Variants in GPC5 observed in about 807,000 individuals in gnomAD.
The protein encoded by GPC5 is glypican 5.
In GPC5, 47 loss-of-function variants were observed where a neutral mutation model predicts 53.9. That is an observed-to-expected ratio of 0.87 (90% CI 0.69 to 1.11). The LOEUF is 1.11. Among genes scored for constraint, GPC5 ranks in the 50% most tolerant of loss-of-function variants. The pLI is 0.00. For synonymous variants in GPC5, 286 were observed against 263.3 expected, an observed-to-expected ratio of 1.09 and a Z score of -0.84; for missense variants, 748 against 713.1, an observed-to-expected ratio of 1.05 and a Z score of -0.56.
intron 7 of GPC5, among the ~76,000 whole-genome samples, chr13:92,148,297 T>C (rs2041882821): frequency 6.6e-6 from 1 of 152,062 alleles, no homozygotes; most frequent in Admixed American, 6.6e-5. Context: ...GTGTCTGTTT[T>C]TGTTCATGTT....
chr13:92,246,224 A>T, intron 7 of GPC5, among the ~76,000 whole-genome samples: 1 of 152,092 alleles, frequency 6.6e-6, no homozygotes, highest in African/African-American at 2.4e-5. Context: ...TAAGCTAGAG[A>T]CCTTTGTGTT....
chr13:92,427,603 G>T (rs1876892990), intron 7 of GPC5, among the ~76,000 whole-genome samples: 1 of 151,892 alleles, frequency 6.6e-6, no homozygotes, highest in African/African-American at 2.4e-5. Flanking sequence ...TGTATTTTTA[G>T]GGCTGGTAAA....
intron 6 of GPC5, among the ~76,000 whole-genome samples, chr13:92,096,700 C>A (rs979513502): frequency 6.6e-6 from 1 of 152,190 alleles, no homozygotes; most frequent in Non-Finnish European, 1.5e-5. Flanking sequence ...TCTTCCTGCT[C>A]TCTAAGGACA....
intron 6 of GPC5, among the ~76,000 whole-genome samples, chr13:92,124,719 A>G (rs1035375228): frequency 6.6e-6 from 1 of 152,198 alleles, no homozygotes; most frequent in African/African-American, 2.4e-5. Flanking sequence ...TGCTGCATCA[A>G]CTAATATACT....
At chr13:92,131,625 T>G (rs2041744136) in intron 6 of GPC5, among the ~76,000 whole-genome samples, 1 of 152,046 alleles carries the variant, frequency 6.6e-6, no homozygotes, top group Non-Finnish European at 1.5e-5. Context: ...ATTAATAGCC[T>G]ATTAACATTA....
chr13:91,687,684 A>G (rs342675), intron 2 of GPC5, among the ~76,000 whole-genome samples: 36,542 of 151,918 alleles, frequency 0.24, 6,183 homozygotes, highest in African/African-American at 0.48. Context: ...TGATAGACTT[A>G]TTCTGATATC....
chr13:92,404,112 G>A (rs1057375903), intron 7 of GPC5, among the ~76,000 whole-genome samples: 1 of 152,138 alleles, frequency 6.6e-6, no homozygotes, highest in Non-Finnish European at 1.5e-5. Context: ...TGAAATGTGA[G>A]TGATTTCAAT....
At chr13:91,975,814 A>G (rs148897676) in intron 6 of GPC5, among the ~76,000 whole-genome samples, 6,384 of 152,296 alleles carry the variant, frequency 0.042, 170 homozygotes, top group Middle Eastern at 0.092. Context: ...ATAAAGACAC[A>G]TGCACACATA....
At chr13:91,783,688 C>T (rs779336419) in intron 5 of GPC5, among the ~76,000 whole-genome samples, 18 of 152,090 alleles carry the variant, frequency 1.2e-4, no homozygotes, top group South Asian at 2.1e-4. Flanking sequence ...GCGATCTGCC[C>T]GCCCTGGCCT....
intron 7 of GPC5, among the ~76,000 whole-genome samples, chr13:92,248,601 A>G (rs1359343541): frequency 6.6e-6 from 1 of 152,170 alleles, no homozygotes; most frequent in African/African-American, 2.4e-5. Context: ...CTCTTATAAA[A>G]ATTAAACAAC....
At chr13:91,796,103 G>A (rs763472930) in intron 5 of GPC5, among the ~76,000 whole-genome samples, 2 of 152,050 alleles carry the variant, frequency 1.3e-5, no homozygotes, top group South Asian at 2.1e-4. Context: ...TTGGCCTCAT[G>A]GATTCCAAGG....
At chr13:91,525,310 G>T (rs1482093473) in intron 2 of GPC5, among the ~76,000 whole-genome samples, 1 of 152,138 alleles carries the variant, frequency 6.6e-6, no homozygotes, top group Non-Finnish European at 1.5e-5. Flanking sequence ...ATGTTTATAT[G>T]ACAAGATCTT....
At chr13:92,177,790 A>G (rs1300185757) in intron 7 of GPC5, among the ~76,000 whole-genome samples, 1 of 152,210 alleles carries the variant, frequency 6.6e-6, no homozygotes, top group Non-Finnish European at 1.5e-5. Context: ...CTAGTGACAG[A>G]ATAGCATCCA....
At chr13:92,383,748 T>G (rs1263369142) in intron 7 of GPC5, among the ~76,000 whole-genome samples, 2 of 152,220 alleles carry the variant, frequency 1.3e-5, no homozygotes, top group Non-Finnish European at 2.9e-5. Context: ...TAATGACTCA[T>G]GTCCTAAGTA....
chr13:91,847,376 T>A (rs1265596046), intron 5 of GPC5, among the ~76,000 whole-genome samples: 3 of 152,104 alleles, frequency 2.0e-5, no homozygotes, highest in African/African-American at 7.2e-5. Flanking sequence ...TGTGTGTGTA[T>A]GTACACATAC....
chr13:92,860,702 T>C (rs553454613), intron 7 of GPC5, among the ~76,000 whole-genome samples: 1 of 152,236 alleles, frequency 6.6e-6, no homozygotes, highest in Non-Finnish European at 1.5e-5. Flanking sequence ...AGCAATTTTA[T>C]TCAGAAGATA....
intron 2 of GPC5, among the ~76,000 whole-genome samples, 182 bp from the exon 3 acceptor site, chr13:91,693,005 G>T (rs2035789325): frequency 6.6e-6 from 1 of 152,162 alleles, no homozygotes; most frequent in Non-Finnish European, 1.5e-5. Context: ...CTTGTGTGTT[G>T]TAGGCAATGG....
At chr13:91,652,566 G>T (rs1414754758) in intron 2 of GPC5, among the ~76,000 whole-genome samples, 1 of 152,126 alleles carries the variant, frequency 6.6e-6, no homozygotes, top group African/African-American at 2.4e-5. Flanking sequence ...CTAAACGCAG[G>T]TAGGATATAC....
intron 7 of GPC5, among the ~76,000 whole-genome samples, chr13:92,174,338 G>A (rs938439792): frequency 1.6e-4 from 24 of 149,496 alleles, no homozygotes; most frequent in African/African-American, 5.9e-4. Flanking sequence ...TGGCTAACAC[G>A]GTGAAACCCT....
Sources: allele counts gnomAD v4.1 joint callset (sites outside exome capture counted in the v4.1 genomes callset), GRCh38; gene constraint gnomAD v4.1.1; transcripts MANE v1.5; gene names NCBI Gene and HGNC (gene_info 2026-07-23, HGNC 2026-07-21).